The following OPRPN variants were observed in gnomAD, a reference collection of about 807,000 sequenced individuals.
The protein encoded by OPRPN is basic proline-rich lacrimal protein.
Under a neutral mutation model 2.2 loss-of-function variants are expected in OPRPN, and 1 was observed. The ratio of observed to expected loss-of-function variants is 0.45; its 90% CI spans 0.16 to 2.15. The LOEUF (loss-of-function observed/expected upper bound fraction) is 2.15. Among genes scored for constraint, OPRPN ranks in the 30% most tolerant of loss-of-function variants. OPRPN has a pLI of 0.28. For missense variants in OPRPN, 306 were observed against 297.3 expected (o/e 1.03, Z -0.21); for synonymous variants, 126 against 111.5 (o/e 1.13, Z -0.82).
intron 2 of OPRPN, among the ~76,000 whole-genome samples, chr4:70,408,200 T>C (rs1323117306): frequency 6.6e-6 from 1 of 152,198 alleles, no homozygotes; most frequent in African/African-American, 2.4e-5. Context: ...GAAGGCAATA[T>C]GGCAGAGACA....
intron 2 of OPRPN, among the ~76,000 whole-genome samples, chr4:70,408,385 T>C (rs751053105): frequency 1.3e-5 from 2 of 152,214 alleles, no homozygotes; most frequent in Non-Finnish European, 2.9e-5. Context: ...ATTTCTACCC[T>C]GTTATTTTAT....
chr4:70,406,506 T>C (rs1174661143), intron 2 of OPRPN, among the ~76,000 whole-genome samples: 3 of 152,240 alleles, frequency 2.0e-5, no homozygotes, highest in Non-Finnish European at 4.4e-5. Flanking sequence ...TGTACAATTC[T>C]TTTAATTATC....
intron 2 of OPRPN, among the ~76,000 whole-genome samples, chr4:70,400,632 G>A (rs992069660): frequency 1.3e-5 from 2 of 151,804 alleles, no homozygotes; most frequent in African/African-American, 2.4e-5. Flanking sequence ...GACTCCTTGA[G>A]TAAATTTTCT....
intron 2 of OPRPN, among the ~76,000 whole-genome samples, chr4:70,404,293 A>G (rs1345396575): frequency 1.3e-5 from 2 of 152,026 alleles, no homozygotes; most frequent in Admixed American, 6.6e-5. Context: ...TCCTACTTCA[A>G]TGACGACTCC....
intron 2 of OPRPN, among the ~76,000 whole-genome samples, chr4:70,405,762 A>G (rs943426168): frequency 6.6e-6 from 1 of 152,128 alleles, no homozygotes; most frequent in South Asian, 2.1e-4. Context: ...CATTTATTCA[A>G]AAACATTTAC....
Position 70,401,827 on chromosome 4 carries a change from G to A in OPRPN, c.51+2491G>A, listed in dbSNP as rs540017967. Among the ~76,000 whole-genome samples, 10 of 152,178 alleles carry A rather than the reference G, an allele frequency of 6.6e-5. No homozygotes were observed. In the East Asian group the frequency reaches 7.7e-4, roughly 12 times the overall value. ...CTGCCATGCTCACAAGATGAGTAAC[G>A]ACAGCATTTTTGCCAATACCTGCCA... is the stretch of plus-strand genomic sequence containing the variant. On this transcript the variant is annotated intron_variant, in intron 2 of 2. Transcript: ENST00000399575.
chr4:70,405,004 T>C lies in OPRPN; in HGVS notation c.52-4376T>C, dbSNP rs555486052. ...ATAATAATATTAAAGCTACCACTTA[T>C]GGAGTGTTTAATATATGCCAAGAAG... On this transcript the variant is annotated intron_variant, in intron 2 of 2. Coordinates refer to ENST00000399575, the MANE Select transcript of OPRPN (RefSeq NM_021225.5). Among the ~76,000 whole-genome samples, 35 of 152,374 alleles carry C rather than the reference T, an allele frequency of 2.3e-4. No individual in the cohort carries two copies. In the East Asian group the frequency reaches 6.5e-3, roughly 28 times the overall value.
At chr4:70,404,717 A>G (rs2109770658) in intron 2 of OPRPN, among the ~76,000 whole-genome samples, 2 of 152,282 alleles carry the variant, frequency 1.3e-5, no homozygotes, top group East Asian at 3.9e-4. Context: ...GGTTTTCCAT[A>G]AGACTTAGAA....
chr4:70,406,602 G>A (rs182415472), intron 2 of OPRPN, among the ~76,000 whole-genome samples: 49 of 152,240 alleles, frequency 3.2e-4, no homozygotes, highest in Non-Finnish European at 1.3e-4. Context: ...TAGGGCAGGA[G>A]TGAAACATTC....
At chr4:70,399,863 A>T (rs1252681777) in intron 2 of OPRPN, among the ~76,000 whole-genome samples, 4 of 151,954 alleles carry the variant, frequency 2.6e-5, no homozygotes, top group Non-Finnish European at 5.9e-5. Context: ...TTATGACTAA[A>T]ATATTCCTTT....
chr4:70,399,807 A>C (rs1732933830), intron 2 of OPRPN, among the ~76,000 whole-genome samples: 1 of 151,970 alleles, frequency 6.6e-6, no homozygotes. Flanking sequence ...AAATATTTAT[A>C]AAAACTAAAA....
chr4:70,400,206 C>T (rs1033232770), intron 2 of OPRPN, among the ~76,000 whole-genome samples: 7 of 151,758 alleles, frequency 4.6e-5, no homozygotes, highest in African/African-American at 1.7e-4. Flanking sequence ...GTGGTTGATA[C>T]AGAAATACCA....
intron 2 of OPRPN, among the ~76,000 whole-genome samples, chr4:70,400,804 G>A (rs1201355672): frequency 6.6e-6 from 1 of 151,746 alleles, no homozygotes; most frequent in Non-Finnish European, 1.5e-5. Flanking sequence ...CACTTTTTTG[G>A]TAGAATTCCC....
intron 2 of OPRPN, among the ~76,000 whole-genome samples, chr4:70,400,518 T>G (rs1051461601): frequency 1.3e-5 from 2 of 151,894 alleles, no homozygotes; most frequent in Non-Finnish European, 2.9e-5. Flanking sequence ...TTAATAAGAA[T>G]GAACATTTCC....
intron 2 of OPRPN, among the ~76,000 whole-genome samples, chr4:70,403,730 T>C (rs994037184): frequency 1.3e-5 from 2 of 152,132 alleles, no homozygotes; most frequent in Non-Finnish European, 2.9e-5. Context: ...AACTTGTGAA[T>C]GGAGAAACAA....
chr4:70,409,769 C>T lies in OPRPN; in HGVS notation c.441C>T (p.Thr147=). 2.0e-5 allele frequency: 32 copies of T among 1,613,732 alleles called. No homozygotes were observed. The highest frequency in any genetic ancestry group is 2.7e-5 in the Non-Finnish European group (32 of 1,179,846). ...ISNPEPQINI[T]TADTTITTNP... is the part of the protein sequence containing the mutation. ...ACCCTGAGCCCCAAATAAACATCAC[C>T]ACCGCAGATACAACAATCACCACAA... The change falls in exon 3 of 3, where the codon ACC becomes ACT. Residue 147 remains threonine, a synonymous_variant. Coordinates refer to ENST00000399575, the MANE Select transcript of OPRPN (RefSeq NM_021225.5).
At chr4:70,402,487 A>G (rs1335437938) in intron 2 of OPRPN, among the ~76,000 whole-genome samples, 1 of 152,148 alleles carries the variant, frequency 6.6e-6, no homozygotes, top group Non-Finnish European at 1.5e-5. Flanking sequence ...AATATGGGGA[A>G]TTCATTCAAC....
chr4:70,400,505 C>T (rs1732954565), intron 2 of OPRPN, among the ~76,000 whole-genome samples: 1 of 151,770 alleles, frequency 6.6e-6, no homozygotes, highest in African/African-American at 2.4e-5. Context: ...ACACCTGATC[C>T]ACTTAATAAG....
chr4:70,406,578 A>T (rs1000493427), intron 2 of OPRPN, among the ~76,000 whole-genome samples: 2 of 152,174 alleles, frequency 1.3e-5, no homozygotes, highest in Admixed American at 1.3e-4. Context: ...AGAGCTTGCC[A>T]AGTGAATGGA....
Sources: gnomAD v4.1 joint callset for allele counts (sites outside exome capture counted in the v4.1 genomes callset) on GRCh38, gnomAD v4.1.1 for gene constraint, MANE v1.5 for transcripts, NCBI Gene and HGNC (gene_info 2026-07-23, HGNC 2026-07-21) for gene names.